PTPRT: variants seen among roughly 807,000 people sequenced by gnomAD.
The protein encoded by PTPRT is protein tyrosine phosphatase receptor type T, also known as receptor-type tyrosine-protein phosphatase T.
Under a neutral mutation model 176.8 loss-of-function variants are expected in PTPRT, and 56 were observed. The observed-to-expected ratio is 0.32, with a 90% CI of 0.26 to 0.40. PTPRT has a LOEUF of 0.40. Ranked by LOEUF, PTPRT falls within the 10% of genes least tolerant of loss-of-function variation. PTPRT has a pLI of 1.00. For synonymous variants in PTPRT, 783 were observed against 739.0 expected, an observed-to-expected ratio of 1.06 and a Z score of -0.96; for missense variants, 1,540 against 1,908.2, an observed-to-expected ratio of 0.81 and a Z score of 3.60.
At chr20:42,440,192 A>AC (rs2059300056) in intron 9 of PTPRT, among the ~76,000 whole-genome samples, 1 of 152,196 alleles carries the variant, frequency 6.6e-6, no homozygotes, top group South Asian at 2.1e-4. Flanking sequence ...GGTGTGAGCC[A>AC]CCACACCAGG....
intron 7 of PTPRT, among the ~76,000 whole-genome samples, chr20:42,519,833 A>G (rs1053551767): frequency 3.3e-5 from 5 of 152,236 alleles, no homozygotes; most frequent in Middle Eastern, 6.8e-3. Flanking sequence ...TGGTTTACAA[A>G]TTACTGAGAT....
At chr20:42,420,385 A>G (rs2059107383) in intron 9 of PTPRT, among the ~76,000 whole-genome samples, 1 of 152,148 alleles carries the variant, frequency 6.6e-6, no homozygotes, top group South Asian at 2.1e-4. Context: ...GCCGTGCACC[A>G]CTTCCTCAAC....
intron 1 of PTPRT, among the ~76,000 whole-genome samples, chr20:42,939,684 G>GTT (rs145249177): frequency 2.0e-5 from 3 of 151,950 alleles, no homozygotes; most frequent in African/African-American, 7.3e-5. Flanking sequence ...CTCAAACAAG[G>GTT]TTTTTCTGCC....
chr20:42,320,400 C>T (rs190026371), intron 11 of PTPRT, among the ~76,000 whole-genome samples: 1 of 152,294 alleles, frequency 6.6e-6, no homozygotes, highest in Non-Finnish European at 1.5e-5. Context: ...GTTCCTGTGG[C>T]CCTCTTTCTA....
intron 2 of PTPRT, among the ~76,000 whole-genome samples, chr20:42,840,716 A>G (rs1285837475): frequency 6.6e-6 from 1 of 152,078 alleles, no homozygotes; most frequent in Non-Finnish European, 1.5e-5. Flanking sequence ...TCCAGCCATC[A>G]CATCTTTTTT....
chr20:42,450,846 C>T (rs1601048571), intron 8 of PTPRT, among the ~76,000 whole-genome samples: 1 of 152,238 alleles, frequency 6.6e-6, no homozygotes, highest in African/African-American at 2.4e-5. Flanking sequence ...GAGAGACAGA[C>T]ATTAAGCGAT....
chr20:42,554,053 T>C (rs763218002), intron 7 of PTPRT, among the ~76,000 whole-genome samples: 1 of 152,050 alleles, frequency 6.6e-6, no homozygotes, highest in Non-Finnish European at 1.5e-5. Context: ...AGCACCTATA[T>C]CTAAGGCAAT....
chr20:42,308,513 AC>A (rs1391173715), intron 12 of PTPRT, among the ~76,000 whole-genome samples: 2 of 152,086 alleles, frequency 1.3e-5, no homozygotes, highest in Non-Finnish European at 1.5e-5. Context: ...GGATGCTCCA[AC>A]CCTCTTCCCC....
chr20:42,246,353 G>C (rs1317178373), intron 14 of PTPRT, among the ~76,000 whole-genome samples: 1 of 151,970 alleles, frequency 6.6e-6, no homozygotes, highest in Non-Finnish European at 1.5e-5. Context: ...CAATCAACTA[G>C]GCCAACAAAA....
chr20:42,393,922 G>A (rs1238781546), intron 9 of PTPRT, among the ~76,000 whole-genome samples: 1 of 152,174 alleles, frequency 6.6e-6, no homozygotes, highest in East Asian at 1.9e-4. Flanking sequence ...AAGAGTCAGG[G>A]AAGACTACGG....
At chr20:43,057,483 T>C (rs1304662226) in intron 1 of PTPRT, among the ~76,000 whole-genome samples, 1 of 150,698 alleles carries the variant, frequency 6.6e-6, no homozygotes, top group African/African-American at 2.4e-5. Context: ...GAAAAGGGAA[T>C]GAAAGGGAAG....
chr20:42,074,556 C>T lies in PTPRT; in HGVS notation c.*6323G>A. ...AGCAGTTCTCAGATATAGAAGGAAGCCCCATAATGATCAAGCCCCTAAAAC... is the reference window on the plus strand; with the variant it reads ...AGCAGTTCTCAGATATAGAAGGAAGTCCCATAATGATCAAGCCCCTAAAAC... On this transcript the variant is annotated 3_prime_UTR_variant, in exon 31 of 31. Transcript: ENST00000373187. 1 of 383,650 alleles carries T rather than the reference C, an allele frequency of 2.6e-6. No homozygotes were observed. Among genetic ancestry groups the T allele is most frequent in the Non-Finnish European group, 4.6e-6 (1 of 217,116 alleles). The allele number at this position is 383,650 out of a possible 1,614,324, so 23.8% of individuals were successfully genotyped here.
At position 42,436,796 on chromosome 20, in the gene PTPRT, G is replaced by A. The variant is rs532102212; in HGVS notation, c.1560+11424C>T. 1.8e-4 allele frequency among the ~76,000 whole-genome samples: 27 copies of A among 152,326 alleles called. No homozygotes were observed. In the South Asian group the frequency reaches 4.6e-3, roughly 26 times the overall value. The stretch of plus-strand genomic sequence containing the variant: ...ACCCCAATGTTTATGAAAGGATCAT[G>A]AGTGAAAGTTTTGTAGTATCTTCGT... On this transcript the variant is annotated intron_variant, in intron 9 of 30. Coordinates refer to ENST00000373187, the MANE Select transcript of PTPRT (RefSeq NM_007050.6).
At chr20:42,713,696 A>T (rs1281938816) in intron 6 of PTPRT, among the ~76,000 whole-genome samples, 1 of 152,214 alleles carries the variant, frequency 6.6e-6, no homozygotes, top group East Asian at 1.9e-4. Flanking sequence ...GGTGGGATGT[A>T]GTGGGAGGTG....
Position 42,169,791 on chromosome 20 carries a change from C to CACACACACACAA in PTPRT, c.2492-8250_2492-8249insTTGTGTGTGTGT, listed in dbSNP as rs752547377. ...ACACACACACACACACACACACACA[C>CACACACACACAA]AACAGTCAGTATTGACTGTTGACCC... On this transcript the variant is annotated intron_variant, in intron 16 of 30. Transcript: ENST00000373187. 5.8e-4 allele frequency among the ~76,000 whole-genome samples: 57 copies of CACACACACACAA among 98,414 alleles called. 1 individual carries two copies. Among genetic ancestry groups the CACACACACACAA allele is most frequent in the African/African-American group, 1.8e-3 (55 of 30,596 alleles). The allele number at this position is 98,414 out of a possible 152,430, so 64.6% of individuals were successfully genotyped here. A position where few individuals can be genotyped will look rare whatever the true frequency, so the allele number is the denominator to read the frequency against.
chr20:43,164,040 CCT>C (rs1356724182), intron 1 of PTPRT, among the ~76,000 whole-genome samples: 1 of 152,090 alleles, frequency 6.6e-6, no homozygotes, highest in Non-Finnish European at 1.5e-5. Flanking sequence ...TTTCTTACCC[CCT>C]GAGTGTCATG....
chr20:42,532,461 G>A (rs2072401314), intron 7 of PTPRT, among the ~76,000 whole-genome samples: 1 of 152,094 alleles, frequency 6.6e-6, no homozygotes, highest in Admixed American at 6.5e-5. Context: ...GAGTGCAGTG[G>A]CATGATCATA....
At chr20:42,132,045 T>C (rs1389058080) in intron 18 of PTPRT, among the ~76,000 whole-genome samples, 5 of 152,182 alleles carry the variant, frequency 3.3e-5, no homozygotes, top group African/African-American at 7.2e-5. Context: ...CCATGCCCTG[T>C]GAAGCCATGA....
chr20:42,446,883 G>A (rs1405626603), intron 9 of PTPRT, among the ~76,000 whole-genome samples: 1 of 152,022 alleles, frequency 6.6e-6, no homozygotes, highest in Non-Finnish European at 1.5e-5. Context: ...TGGTAATCCT[G>A]AGAGCTGCGC....
Sources: allele counts gnomAD v4.1 joint callset (sites outside exome capture counted in the v4.1 genomes callset), GRCh38; gene constraint gnomAD v4.1.1; transcripts MANE v1.5; gene names NCBI Gene and HGNC (gene_info 2026-07-23, HGNC 2026-07-21).